Variants in TNKS2 observed in about 807,000 individuals in gnomAD.
The protein encoded by TNKS2 is poly [ADP-ribose] polymerase tankyrase-2.
A neutral mutation model predicts 137.6 loss-of-function variants in TNKS2; 72 were observed. The ratio of observed to expected loss-of-function variants is 0.52; its 90% CI spans 0.43 to 0.64. The LOEUF (loss-of-function observed/expected upper bound fraction) is 0.64. Ranked by LOEUF, TNKS2 falls within the 30% of genes least tolerant of loss-of-function variation. TNKS2 has a pLI of 0.00. For synonymous variants in TNKS2, 516 were observed against 512.1 expected (o/e 1.01, Z -0.10); for missense variants, 1,049 against 1,410.2 (o/e 0.74, Z 4.10).
At chr10:91,820,131 A>G in intron 6 of TNKS2, 98 bp downstream of exon 6, 3 of 749,732 alleles carry the variant, frequency 4.0e-6, no homozygotes, top group South Asian at 2.9e-5. Flanking sequence ...ACTAAATAAC[A>G]TTAATATATA....
In TNKS2 at chr10:91,845,914, G is replaced by A. The variant is rs770097475; in HGVS notation, c.2332G>A (p.Gly778Arg). Residue 778 changes from glycine to arginine, a missense_variant, in exon 18 of 27, where the codon GGA becomes AGA. Around this residue, in one of 6 missense-constraint regions of TNKS2, gnomAD observed 208 missense variants for 231.2 expected, o/e 0.90. Transcript: ENST00000371627. Reference sequence around the variant, plus strand: ...TGACCCGACTCTTAAAAATCAGGAAGGACAAACACCTTTAGATTTAGTTTC... The same window carrying A: ...TGACCCGACTCTTAAAAATCAGGAAAGACAAACACCTTTAGATTTAGTTTC... ...GADPTLKNQE[G>R]QTPLDLVSAD... The A allele has an allele frequency of 3.2e-5, 51 of 1,576,686 alleles. No individual in the cohort carries two copies. Among genetic ancestry groups the A allele is most frequent in the Non-Finnish European group, 4.2e-5 (49 of 1,154,048 alleles).
At chr10:91,855,214 C>T (rs1020533792) in intron 22 of TNKS2, 88 bp downstream of exon 22, 10 of 836,758 alleles carry the variant, frequency 1.2e-5, no homozygotes, top group Admixed American at 2.3e-5. Context: ...CTTTAGTTTG[C>T]ATTATATAAT....
intron 12 of TNKS2, among the ~76,000 whole-genome samples, chr10:91,835,230 A>T (rs1841963615): frequency 6.6e-6 from 1 of 151,984 alleles, no homozygotes; most frequent in African/African-American, 2.4e-5. Context: ...ATTTCTGATT[A>T]TGAGTAAGTT....
intron 5 of TNKS2, 143 bp from the exon 6 acceptor site, chr10:91,819,796 G>A: frequency 5.9e-6 from 4 of 676,770 alleles, no homozygotes; most frequent in Non-Finnish European, 9.4e-6. Context: ...CAATATGTAT[G>A]TTGGATTTTG....
chr10:91,835,414 C>T (rs1355054211), intron 12 of TNKS2, among the ~76,000 whole-genome samples: 1 of 150,514 alleles, frequency 6.6e-6, no homozygotes, highest in Non-Finnish European at 1.5e-5. Context: ...CTCAGCCTCC[C>T]AAGTAGCTGG....
chr10:91,799,172 T>C (rs945196382), intron 1 of TNKS2, among the ~76,000 whole-genome samples: 1 of 152,296 alleles, frequency 6.6e-6, no homozygotes, highest in East Asian at 1.9e-4. Context: ...ACAATACCTG[T>C]ACCAACTTCC....
chr10:91,862,259 T>C (rs890070978), intron 26 of TNKS2, 104 bp downstream of exon 26: 9 of 899,260 alleles, frequency 1.0e-5, no homozygotes, highest in Non-Finnish European at 1.4e-5. Flanking sequence ...AACTGGATTT[T>C]TTAAAAATTT....
chr10:91,824,008 A>G (rs749355302), intron 7 of TNKS2, among the ~76,000 whole-genome samples: 5 of 152,222 alleles, frequency 3.3e-5, no homozygotes, highest in African/African-American at 9.6e-5. Context: ...GAAAGTTGCT[A>G]TGGATAAGAA....
rs1564614219 is a variant in TNKS2, at chr10:91,827,026, T to A, written c.805T>A (p.Cys269Ser). 1.3e-6 allele frequency: 2 copies of A among 1,568,904 alleles called. No individual in the cohort carries two copies. The highest frequency in any genetic ancestry group is 1.7e-6 in the Non-Finnish European group (2 of 1,158,106). The change falls in exon 8 of 27, where the codon TGT becomes AGT. Residue 269 changes from cysteine to serine, a missense_variant. By Grantham distance (112) the Cys-to-Ser change is moderately radical (BLOSUM62 -1). Coordinates refer to ENST00000371627, the MANE Select transcript of TNKS2 (RefSeq NM_025235.4). The part of the protein sequence containing the change: ...VTELLVKHGA[C>S]VNAMDLWQFT... The stretch of plus-strand genomic sequence containing the variant: ...GCTTTTTGCTCTCCAGCATGGTGCC[T>A]GTGTAAATGCAATGGACTTGTGGCA...
intron 25 of TNKS2, 106 bp from the exon 26 acceptor site, chr10:91,861,893 G>A (rs531253115): frequency 1.0e-6 from 1 of 962,800 alleles, no homozygotes; most frequent in Non-Finnish European, 1.5e-6. Flanking sequence ...ACAATTATAA[G>A]TATTTATGTA....
chr10:91,807,218 T>C (rs1399995857), intron 1 of TNKS2: 19 of 1,608,052 alleles, frequency 1.2e-5, no homozygotes, highest in Non-Finnish European at 1.5e-5. Flanking sequence ...CTTCCTTGGC[T>C]ACCATAAGTC....
At chr10:91,814,035 TA>T (rs926890462) in intron 2 of TNKS2, among the ~76,000 whole-genome samples, 22 of 149,584 alleles carry the variant, frequency 1.5e-4, no homozygotes, top group Admixed American at 5.3e-4. Context: ...ACTCAGCAAT[TA>T]AAAAAAAAAG....
At chr10:91,823,244 T>C (rs1484608495) in intron 7 of TNKS2, among the ~76,000 whole-genome samples, 1 of 152,012 alleles carries the variant, frequency 6.6e-6, no homozygotes, top group Non-Finnish European at 1.5e-5. Flanking sequence ...CTTCTTCCAG[T>C]ATGCTCAACA....
intron 11 of TNKS2, among the ~76,000 whole-genome samples, chr10:91,833,625 A>T (rs899866462): frequency 2.6e-5 from 4 of 152,174 alleles, no homozygotes; most frequent in Non-Finnish European, 4.4e-5. Flanking sequence ...CACAATTACT[A>T]TTCAGCATCT....
At chr10:91,826,931 G>A (rs577350372) in intron 7 of TNKS2, 86 bp from the exon 8 acceptor site, 4 of 1,241,998 alleles carry the variant, frequency 3.2e-6, no homozygotes, top group Admixed American at 3.1e-5. Context: ...ACCTGTTTTA[G>A]CCTGTATGAT....
At chr10:91,812,834 A>G in intron 1 of TNKS2, 149 bp from the exon 2 acceptor site, 2 of 1,448,776 alleles carry the variant, frequency 1.4e-6, no homozygotes, top group Non-Finnish European at 1.8e-6. Context: ...TTATTGATAT[A>G]TTTCTGATCA....
intron 1 of TNKS2, among the ~76,000 whole-genome samples, chr10:91,810,769 A>C (rs1466212750): frequency 2.6e-5 from 4 of 151,260 alleles, no homozygotes; most frequent in Non-Finnish European, 5.9e-5. Flanking sequence ...CGGCCTCCCA[A>C]AGTGCTGGGA....
At position 91,842,330 on chromosome 10, in the gene TNKS2, T is replaced by C. The variant is rs140823899; in HGVS notation, c.1998T>C (p.Ser666=). 116 of 1,614,150 alleles carry C rather than the reference T, an allele frequency of 7.2e-5. No homozygotes were observed. In the African/African-American group the frequency reaches 1.3e-3, roughly 18 times the overall value. The change falls in exon 16 of 27, where the codon TCT becomes TCC. Residue 666 remains serine, a synonymous_variant. Transcript: ENST00000371627. The part of the protein sequence containing the change: ...GCLARVKKLS[S]PDNVNCRDTQ... ...TAGCCAGAGTGAAGAAGTTGTCTTC[T>C]CCTGATAATGTAAATTGCCGCGATA... is the stretch of plus-strand genomic sequence containing the variant.
At chr10:91,845,620 A>C in intron 17 of TNKS2, 132 bp from the exon 18 acceptor site, 1 of 634,222 alleles carries the variant, frequency 1.6e-6, no homozygotes, top group Non-Finnish European at 2.4e-6. Context: ...GATGTTGGGG[A>C]GAAAGAGTTT....
Sources: allele counts gnomAD v4.1 joint callset (sites outside exome capture counted in the v4.1 genomes callset), GRCh38; gene constraint gnomAD v4.1.1; regional missense constraint gnomAD v4.1.1; transcripts MANE v1.5; gene names NCBI Gene and HGNC (gene_info 2026-07-23, HGNC 2026-07-21).